The following RBM39 variants were observed in gnomAD, a reference collection of about 807,000 sequenced individuals.
The protein encoded by RBM39 is RNA-binding protein 39.
RBM39 carries 12 observed loss-of-function variants against 79.6 expected under a neutral mutation model. The ratio of observed to expected loss-of-function variants is 0.15; its 90% CI spans 0.10 to 0.24. The LOEUF (loss-of-function observed/expected upper bound fraction) is 0.24, where lower values mean the gene tolerates loss of function less well. Ranked by LOEUF, RBM39 falls within the 10% of genes least tolerant of loss-of-function variation. The probability of loss-of-function intolerance (pLI) is 1.00; values close to 1 mark genes in which losing one functional copy is unlikely to be tolerated. For synonymous variants in RBM39, 185 were observed against 208.4 expected, an observed-to-expected ratio of 0.89 and a Z score of 0.97; for missense variants, 243 against 653.4, an observed-to-expected ratio of 0.37 and a Z score of 6.85.
intron 6 of RBM39, among the ~76,000 whole-genome samples, chr20:35,728,144 G>C (rs1485112150): frequency 6.6e-6 from 1 of 152,182 alleles, no homozygotes; most frequent in Non-Finnish European, 1.5e-5. Flanking sequence ...AAGAACCTAG[G>C]AGTAACAATT....
At chr20:35,718,367 A>C (rs780799478) in intron 9 of RBM39, among the ~76,000 whole-genome samples, 7 of 151,962 alleles carry the variant, frequency 4.6e-5, no homozygotes, top group Admixed American at 6.6e-5. Flanking sequence ...ATATTCTAGG[A>C]GCATTAGCTA....
intron 4 of RBM39, among the ~76,000 whole-genome samples, chr20:35,730,178 A>G (rs1197526946): frequency 6.6e-6 from 1 of 152,188 alleles, no homozygotes; most frequent in South Asian, 2.1e-4. Context: ...TAATTTACCA[A>G]TTCTCTAGAA....
chr20:35,709,098 G>A, intron 13 of RBM39, 126 bp downstream of exon 13: 1 of 725,252 alleles, frequency 1.4e-6, no homozygotes, highest in East Asian at 2.7e-5. Context: ...ACCACTATGT[G>A]TCACTGTGTC....
intron 8 of RBM39, among the ~76,000 whole-genome samples, chr20:35,723,111 T>C (rs987173238): frequency 5.9e-5 from 9 of 152,090 alleles, no homozygotes; most frequent in Non-Finnish European, 1.3e-4. Context: ...ACTCTTGAGA[T>C]TGGTATAACC....
chr20:35,719,711 C>G (rs1352227325), intron 9 of RBM39, among the ~76,000 whole-genome samples: 1 of 152,096 alleles, frequency 6.6e-6, no homozygotes, highest in South Asian at 2.1e-4. Flanking sequence ...AAATCAGACT[C>G]TAGAGTAATA....
At position 35,704,331 on chromosome 20, in the gene RBM39, G is replaced by A; in HGVS notation, c.*150C>T. 2 of 594,206 alleles carry A rather than the reference G, an allele frequency of 3.4e-6. No individual in the cohort carries two copies. Among genetic ancestry groups the A allele is most frequent in the South Asian group, 2.1e-5 (1 of 46,524 alleles). 36.8% of individuals were successfully genotyped at this position (594,206 alleles called of 1,614,324 possible). A position where few individuals can be genotyped will look rare whatever the true frequency, so the allele number is the denominator to read the frequency against. ...GGGAGAATGAGCACACTGCATTCCT[G>A]TTAACATTTTTATTTTTTCAAGGTA... On this transcript the variant is annotated 3_prime_UTR_variant, in exon 17 of 17. Coordinates refer to ENST00000253363, the MANE Select transcript of RBM39 (RefSeq NM_184234.3).
chr20:35,742,005 CTGCT>C lies in RBM39; in HGVS notation c.-82_-79del. 1.2e-5 allele frequency: 3 copies of C among 257,358 alleles called. No individual in the cohort carries two copies. Among genetic ancestry groups the C allele is most frequent in the Non-Finnish European group, 2.3e-5 (3 of 128,616 alleles). The allele number at this position is 257,358 out of a possible 1,614,324, so 15.9% of individuals were successfully genotyped here. The stretch of plus-strand genomic sequence containing the variant: ...GAAGAGATTGCTGCTGCTGCTGCTG[CTGCT>C]GCCGCCGCCGCCGCTTCTGTTGCTA... On this transcript the variant is annotated 5_prime_UTR_variant, in exon 1 of 17. Coordinates refer to ENST00000253363, the MANE Select transcript of RBM39 (RefSeq NM_184234.3).
In RBM39 at chr20:35,729,445, G is replaced by C. The variant is rs748340817; in HGVS notation, c.362+17C>G. On this transcript the variant is annotated intron_variant, in intron 5 of 16. Transcript: ENST00000253363. The stretch of plus-strand genomic sequence containing the variant: ...CTTGAAAAACAATTTAAACAATTCA[G>C]AAGTATGTTTAAAAACCTTAATTTG... 16 of 1,611,846 alleles carry C rather than the reference G, an allele frequency of 9.9e-6. No individual in the cohort carries two copies. Among genetic ancestry groups the C allele is most frequent in the Non-Finnish European group, 1.1e-5 (13 of 1,178,732 alleles).
chr20:35,725,090 G>A lies in RBM39; in HGVS notation c.482C>T (p.Ala161Val), dbSNP rs1451894009. 2.5e-6 allele frequency: 4 copies of A among 1,611,498 alleles called. No individual in the cohort carries two copies. Among genetic ancestry groups the A allele is most frequent in the South Asian group, 1.1e-5 (1 of 90,904 alleles). Residue 161 changes from alanine to valine, a missense_variant, in exon 7 of 17, where the codon GCG becomes GTG. Ala to Val is a moderately conservative substitution (Grantham distance 64). Transcript: ENST00000253363. Reference protein sequence around the residue: ...DARTVFCMQLAARIRPRDLEE... With the variant: ...DARTVFCMQLVARIRPRDLEE... ...CAAATCCCTTGGTCGAATTCTTGCCGCCAGCTGCATACAGAAGACTGTCCT... is the reference window on the plus strand; with the variant it reads ...CAAATCCCTTGGTCGAATTCTTGCCACCAGCTGCATACAGAAGACTGTCCT...
chr20:35,740,352 G>A (rs1538426), intron 2 of RBM39: 328,950 of 341,370 alleles, frequency 0.96, 158,568 homozygotes, highest in East Asian at 1. Flanking sequence ...TTATAAGACT[G>A]TTAGAAGATT....
At chr20:35,732,782 T>C (rs2039511843) in intron 3 of RBM39, 1 of 152,322 alleles carries the variant, frequency 6.6e-6, no homozygotes, top group Non-Finnish European at 1.5e-5. Context: ...AACAAAAGCA[T>C]TACTGTAATC....
In RBM39 at chr20:35,701,611, G is replaced by C. The variant is rs1431493329; in HGVS notation, c.*2870C>G. The C allele has an allele frequency of 6.6e-6, 1 of 152,084 alleles. No homozygotes were observed. The highest frequency in any genetic ancestry group is 1.9e-4 in the East Asian group (1 of 5,166). The allele number at this position is 152,084 out of a possible 1,614,324, so 9.4% of individuals were successfully genotyped here. On this transcript the variant is annotated 3_prime_UTR_variant, in exon 17 of 17. Transcript: ENST00000253363. ...TACTAAAAATACAAAAACTTAAGCC[G>C]GGTGTGTTGACACGCGCCTGTATTC...
At chr20:35,709,988 A>T (rs764853207) in intron 12 of RBM39, among the ~76,000 whole-genome samples, 1 of 152,160 alleles carries the variant, frequency 6.6e-6, no homozygotes, top group Non-Finnish European at 1.5e-5. Context: ...AATAAGAGGG[A>T]TGTGACCAAT....
chr20:35,714,058 G>A (rs1385103405), intron 11 of RBM39, 127 bp downstream of exon 11: 2 of 851,760 alleles, frequency 2.3e-6, no homozygotes, highest in African/African-American at 3.4e-5. Flanking sequence ...AATATGCAGT[G>A]TGACCAAGGA....
At chr20:35,714,066 G>C in intron 11 of RBM39, 119 bp downstream of exon 11, 1 of 952,828 alleles carries the variant, frequency 1.0e-6, no homozygotes, top group Non-Finnish European at 1.6e-6. Context: ...GTGTGACCAA[G>C]GATAACGCCA....
chr20:35,742,059 G>T lies in RBM39; in HGVS notation c.-132C>A. On this transcript the variant is annotated 5_prime_UTR_variant, in exon 1 of 17. Transcript: ENST00000253363. ...ACTGTTAAGCCCCTAGGCCCAGGCC[G>T]CGGAACCGCCCAGCCCGAATATCGG... is the stretch of plus-strand genomic sequence containing the variant. 5.1e-6 allele frequency: 1 copy of T among 194,512 alleles called. No individual in the cohort carries two copies. The highest frequency in any genetic ancestry group is 1.1e-5 in the Non-Finnish European group (1 of 92,044). 12.0% of individuals were successfully genotyped at this position (194,512 alleles called of 1,614,324 possible). A position where few individuals can be genotyped will look rare whatever the true frequency, so the allele number is the denominator to read the frequency against.
intron 6 of RBM39, among the ~76,000 whole-genome samples, chr20:35,727,017 G>A (rs549038875): frequency 5.3e-5 from 8 of 151,990 alleles, no homozygotes; most frequent in South Asian, 2.1e-4. Flanking sequence ...AGTAGAGATG[G>A]GGTTTCACCA....
chr20:35,721,510 C>A (rs571098937), intron 9 of RBM39, among the ~76,000 whole-genome samples: 83 of 152,274 alleles, frequency 5.5e-4, no homozygotes, highest in African/African-American at 1.8e-3. Flanking sequence ...TTTATTAACT[C>A]TAATACCCAT....
At chr20:35,708,594 C>T (rs1449787499) in intron 13 of RBM39, among the ~76,000 whole-genome samples, 1 of 152,080 alleles carries the variant, frequency 6.6e-6, no homozygotes, top group Non-Finnish European at 1.5e-5. Flanking sequence ...TTTCCCTAAA[C>T]ATTAAGCATA....
Sources: allele counts gnomAD v4.1 joint callset (sites outside exome capture counted in the v4.1 genomes callset), GRCh38; gene constraint gnomAD v4.1.1; transcripts MANE v1.5; gene names NCBI Gene and HGNC (gene_info 2026-07-23, HGNC 2026-07-21).